Variants in MYO15A observed in about 807,000 individuals in gnomAD.
MYO15A encodes unconventional myosin-XV.
A neutral mutation model predicts 394.6 loss-of-function variants in MYO15A; 308 were observed. That is an observed-to-expected ratio of 0.78 (90% CI 0.71 to 0.86). The LOEUF is 0.86. Ranked by LOEUF, MYO15A falls within the 40% of genes least tolerant of loss-of-function variation. The pLI is 0.00. For missense variants in MYO15A, 4,606 were observed against 4,799.1 expected (o/e 0.96, Z 1.19); for synonymous variants, 1,957 against 2,003.8 (o/e 0.98, Z 0.62).
chr17:18,179,117 T>C lies in MYO15A; in HGVS notation c.*247T>C. ...GAACTTTCAAAAGTCTGGCCCACTG[T>C]GCAGTGGAGCAGAAGGCAGGACCAT... On this transcript the variant is annotated 3_prime_UTR_variant, in exon 66 of 66. Coordinates refer to ENST00000647165, the MANE Select transcript of MYO15A (RefSeq NM_016239.4). The C allele has an allele frequency of 3.4e-6, 2 of 585,604 alleles. No individual in the cohort carries two copies. The highest frequency in any genetic ancestry group is 3.9e-5 in the South Asian group (2 of 51,398). The allele number at this position is 585,604 out of a possible 1,614,324, so 36.3% of individuals were successfully genotyped here.
At position 18,154,828 on chromosome 17, in the gene MYO15A, G is replaced by A. The variant is rs886861550; in HGVS notation, c.8224+73G>A. ...CACAGCCAGCCCTGTCCCAGAGGGA[G>A]ACTGAGGCTGACAAGCCCAGGCCCA... On this transcript the variant is annotated intron_variant, in intron 45 of 65. Coordinates refer to ENST00000647165, the MANE Select transcript of MYO15A (RefSeq NM_016239.4). The A allele has an allele frequency of 1.1e-5, 16 of 1,507,472 alleles. No homozygotes were observed. The South Asian group carries it at 1.8e-4, about 17-fold the overall frequency. 93.4% of individuals were successfully genotyped at this position (1,507,472 alleles called of 1,614,324 possible).
chr17:18,158,656 C>T lies in MYO15A; in HGVS notation c.9083+18C>T. On this transcript the variant is annotated intron_variant, in intron 52 of 65. Coordinates refer to ENST00000647165, the MANE Select transcript of MYO15A (RefSeq NM_016239.4). Reference sequence around the variant, plus strand: ...AGACCCCAGTGAGTGGCGGCCCCACCCCTCTTCCCACAGTGGGAGGGTGCT... The same window carrying T: ...AGACCCCAGTGAGTGGCGGCCCCACTCCTCTTCCCACAGTGGGAGGGTGCT... 1 of 1,611,172 alleles carries T rather than the reference C, an allele frequency of 6.2e-7. No individual in the cohort carries two copies. Among genetic ancestry groups the T allele is most frequent in the Non-Finnish European group, 8.5e-7 (1 of 1,177,292 alleles).
rs996087331 is a variant in MYO15A at position 18,150,790 on chromosome 17, G to A, written c.7395+25G>A. ...GGTGAGTGAGGGAGGGACTGCTGGG[G>A]GGTGGAGAATGGACCTGCCTGGTCA... On this transcript the variant is annotated intron_variant, in intron 37 of 65. Coordinates refer to ENST00000647165, the MANE Select transcript of MYO15A (RefSeq NM_016239.4). This position sits in a 1 kb window ranked among gnomAD's most constrained non-coding sequence, Gnocchi z 4.4. 4 of 1,582,044 alleles carry A rather than the reference G, an allele frequency of 2.5e-6. No individual in the cohort carries two copies. Among genetic ancestry groups the A allele is most frequent in the Admixed American group, 1.8e-5 (1 of 55,774 alleles).
At chr17:18,151,585 C>A in intron 40 of MYO15A, 58 bp downstream of exon 40, 1 of 1,606,692 alleles carries the variant, frequency 6.2e-7, no homozygotes, top group Non-Finnish European at 8.5e-7. Flanking sequence ...GAGTGTCCAT[C>A]ATGGCCCACC....
chr17:18,151,476 T>C lies in MYO15A; in HGVS notation c.7736T>C (p.Ile2579Thr). 3 of 1,614,124 alleles carry C rather than the reference T, an allele frequency of 1.9e-6. No individual in the cohort carries two copies. The highest frequency in any genetic ancestry group is 2.5e-6 in the Non-Finnish European group (3 of 1,180,016). ...CAGCCCACACAGCAGATCAAGAATA[T>C]TGTCAGGCAGTACCAGCAGCCGTTC... is the stretch of plus-strand genomic sequence containing the variant. ...FPQPTQQIKNIVRQYQQPFRG... is the reference protein window; with the variant it reads ...FPQPTQQIKNTVRQYQQPFRG... Residue 2579 changes from isoleucine (I) to threonine (T), a missense_variant, in exon 40 of 66, where the codon ATT (isoleucine) becomes ACT (threonine). Transcript: ENST00000647165.
intron 48 of MYO15A, 35 bp downstream of exon 48, chr17:18,156,371 G>T (rs1233464946): frequency 6.2e-7 from 1 of 1,610,110 alleles, no homozygotes; most frequent in African/African-American, 1.3e-5. Context: ...CCTCCACCCA[G>T]GCTGAGGGCC....
intron 47 of MYO15A, 102 bp downstream of exon 47, chr17:18,155,534 G>A (rs369525435): frequency 2.0e-5 from 22 of 1,111,826 alleles, no homozygotes; most frequent in African/African-American, 9.2e-5. Context: ...CCCATGATGC[G>A]CCAGGCTCTG....
At position 18,149,350 on chromosome 17, in the gene MYO15A, C is replaced by T. The variant is rs1443042374; in HGVS notation, c.7091C>T (p.Ala2364Val). ...NQDGTNGETE[A>V]QRGTATHQES... ...GACGGTACAAATGGGGAGACTGAGG[C>T]CCAAAGAGGGACAGCAACCCACCAA... The change falls in exon 34 of 66, where the codon GCC becomes GTC. Residue 2364 changes from alanine (A) to valine (V), a missense_variant. Coordinates refer to ENST00000647165, the MANE Select transcript of MYO15A (RefSeq NM_016239.4). The T allele has an allele frequency of 6.2e-7, 1 of 1,608,814 alleles. No individual in the cohort carries two copies. The highest frequency in any genetic ancestry group is 8.5e-7 in the Non-Finnish European group (1 of 1,177,294).
Position 18,148,088 on chromosome 17 carries a change from AGGCCAT to A in MYO15A, c.6572_6577del (p.Ala2191_Met2192del). On this transcript the variant is annotated inframe_deletion, in exon 31 of 66. Transcript: ENST00000647165. The surrounding 1 kb of genome is among the most constrained non-coding windows in gnomAD (Gnocchi z 4.8). Reference sequence around the variant, plus strand: ...GCTGTGTGTCAGCACCGCCTCATGCAGGCCATGGGCCGGGCCCAACAGCAGGGCTCG... The same window carrying A: ...GCTGTGTGTCAGCACCGCCTCATGCAGGGCCGGGCCCAACAGCAGGGCTCG... The A allele has an allele frequency of 6.2e-7, 1 of 1,613,958 alleles. No individual in the cohort carries two copies. The highest frequency in any genetic ancestry group is 8.5e-7 in the Non-Finnish European group (1 of 1,180,038).
chr17:18,167,561 G>A, intron 61 of MYO15A, 29 bp from the exon 62 acceptor site: 1 of 1,600,212 alleles, frequency 6.2e-7, no homozygotes, highest in Non-Finnish European at 8.5e-7. Flanking sequence ...TGCCTGCCTG[G>A]CAGCCCCTCA....
Position 18,117,847 on chromosome 17 carries a change from A to G in MYO15A, c.-219-735A>G, listed in dbSNP as rs2142232795. ...GCAGGGACCCCAGAAAGGAGCCAGC[A>G]GGAGGCATCTCCAGTTACCCAGCAG... is the stretch of plus-strand genomic sequence containing the variant. On this transcript the variant is annotated intron_variant, in intron 1 of 65. Coordinates refer to ENST00000647165, the MANE Select transcript of MYO15A (RefSeq NM_016239.4). The surrounding 1 kb of genome is among the most constrained non-coding windows in gnomAD (Gnocchi z 4.1). 6.6e-6 allele frequency among the ~76,000 whole-genome samples: 1 copy of G among 152,304 alleles called. No individual in the cohort carries two copies. Among genetic ancestry groups the G allele is most frequent in the Admixed American group, 6.5e-5 (1 of 15,302 alleles).
chr17:18,140,599 A>G lies in MYO15A; in HGVS notation c.5294A>G (p.Tyr1765Cys). ...AAGAGCAGCTCCGTCACTCGGCTCTACAAGGCGCACACTGTGGCCGCCAAG... is the reference window on the plus strand; with the variant it reads ...AAGAGCAGCTCCGTCACTCGGCTCTGCAAGGCGCACACTGTGGCCGCCAAG... ...LGKSSSVTRLYKAHTVAAKFQ... is the reference protein window; with the variant it reads ...LGKSSSVTRLCKAHTVAAKFQ... Residue 1765 changes from tyrosine to cysteine, a missense_variant, in exon 20 of 66, where the codon TAC (tyrosine) becomes TGC (cysteine). This residue lies in a region of MYO15A where 2,776 missense variants were observed against 3,109.3 expected (regional missense o/e 0.89). Transcript: ENST00000647165. 1 of 1,613,750 alleles carries G rather than the reference A, an allele frequency of 6.2e-7. No homozygotes were observed.
chr17:18,113,200 T>C (rs2045743307), intron 1 of MYO15A, among the ~76,000 whole-genome samples: 1 of 152,102 alleles, frequency 6.6e-6, no homozygotes, highest in South Asian at 2.1e-4. Flanking sequence ...TGTCAGAGGC[T>C]GGAGTGCAGT....
In MYO15A at chr17:18,163,809, A is replaced by G. The variant is rs1278474777; in HGVS notation, c.9758A>G (p.Glu3253Gly). ...MALTRPEAFNEYVIFVVTNRG... is the reference protein window; with the variant it reads ...MALTRPEAFNGYVIFVVTNRG... ...CTGACACGCCCTGAGGCCTTCAATG[A>G]ATATGTTATCTTCGTTGTCACCAAC... The change falls in exon 60 of 66, where the codon GAA (glutamate) becomes GGA (glycine). Residue 3253 changes from glutamate (E) to glycine (G), a missense_variant. By Grantham distance (98) the Glu-to-Gly change is moderately conservative (BLOSUM62 -2). This residue lies in a region of MYO15A where 2,776 missense variants were observed against 3,109.3 expected (regional missense o/e 0.89). Transcript: ENST00000647165. The G allele has an allele frequency of 6.2e-7, 1 of 1,614,014 alleles. No homozygotes were observed. Among genetic ancestry groups the G allele is most frequent in the Admixed American group, 1.7e-5 (1 of 60,014 alleles).
Position 18,120,906 on chromosome 17 carries a change from G to A in MYO15A, c.2106G>A (p.Pro702=), listed in dbSNP as rs1597754658. The change falls in exon 2 of 66, where the codon CCG becomes CCA. Residue 702 remains proline, a synonymous_variant. Coordinates refer to ENST00000647165, the MANE Select transcript of MYO15A (RefSeq NM_016239.4). ...SPYGSLRRHP[P]PWAAPAHVPP... ...ACGGCTCCCTCCGCCGCCACCCGCC[G>A]CCCTGGGCCGCCCCAGCGCACGTGC... is the stretch of plus-strand genomic sequence containing the variant. The A allele has an allele frequency of 7.0e-7, 1 of 1,430,284 alleles. No homozygotes were observed. Among genetic ancestry groups the A allele is most frequent in the South Asian group, 1.3e-5 (1 of 74,184 alleles). The allele number at this position is 1,430,284 out of a possible 1,614,324, so 88.6% of individuals were successfully genotyped here.
chr17:18,126,543 C>A, intron 5 of MYO15A, 87 bp downstream of exon 5: 2 of 1,309,522 alleles, frequency 1.5e-6, no homozygotes, highest in Middle Eastern at 2.3e-4. Context: ...GCACCTGAGC[C>A]ATGAGTCAGA....
intron 41 of MYO15A, 57 bp downstream of exon 41, chr17:18,152,008 A>C: frequency 6.5e-7 from 1 of 1,538,478 alleles, no homozygotes. Flanking sequence ...GAGGGGCCTC[A>C]GGGATCCTCA....
chr17:18,172,079 A>G (rs2046950599), intron 63 of MYO15A, 78 bp from the exon 64 acceptor site: 1 of 1,607,846 alleles, frequency 6.2e-7, no homozygotes, highest in Admixed American at 1.7e-5. Flanking sequence ...AGCCCAGAGA[A>G]GCTATGCAGT....
At position 18,120,155 on chromosome 17, in the gene MYO15A, T is replaced by A. The variant is rs762390419; in HGVS notation, c.1355T>A (p.Leu452Gln). The A allele has an allele frequency of 3.1e-6, 5 of 1,612,784 alleles. No individual in the cohort carries two copies. Among genetic ancestry groups the A allele is most frequent in the Non-Finnish European group, 3.4e-6 (4 of 1,179,972 alleles). The part of the protein sequence containing the change: ...GVERQGTSFR[L>Q]PSAAFFEQQG... The stretch of plus-strand genomic sequence containing the variant: ...GAGCGTCAGGGGACCTCCTTCCGCC[T>A]GCCCAGCGCCGCCTTCTTCGAGCAG... Residue 452 changes from leucine to glutamine, a missense_variant, in exon 2 of 66, where the codon CTG becomes CAG. By Grantham distance (113) the Leu-to-Gln change is moderately radical. Around this residue, in one of 2 missense-constraint regions of MYO15A, gnomAD observed 1,830 missense variants for 1,689.7 expected, o/e 1.08. Coordinates refer to ENST00000647165, the MANE Select transcript of MYO15A (RefSeq NM_016239.4).
Sources: gnomAD v4.1 joint callset for allele counts (sites outside exome capture counted in the v4.1 genomes callset) on GRCh38, gnomAD v4.1.1 for gene constraint, gnomAD v4.1.1 regional missense constraint, Gnocchi (gnomAD v3.1) non-coding constraint, MANE v1.5 for transcripts, NCBI Gene and HGNC (gene_info 2026-07-23, HGNC 2026-07-21) for gene names.